Variants in BCL11A observed in about 807,000 individuals in gnomAD.
The protein encoded by BCL11A is B cell CLL/lymphoma 11A.
In BCL11A, 2 loss-of-function variants were observed where a neutral mutation model predicts 55.9. That is an observed-to-expected ratio of 0.04 (90% CI 0.01 to 0.11). BCL11A has a LOEUF of 0.11. BCL11A is among the 10% of genes least tolerant of loss of function. The pLI, the probability that BCL11A is intolerant of heterozygous loss-of-function variation, is 1.00. For synonymous variants in BCL11A, 465 were observed against 473.4 expected (o/e 0.98, Z 0.23); for missense variants, 817 against 1,137.1 (o/e 0.72, Z 4.05).
At chr2:60,520,013 T>C (rs1489584458) in intron 2 of BCL11A, among the ~76,000 whole-genome samples, 1 of 152,254 alleles carries the variant, frequency 6.6e-6, no homozygotes, top group Non-Finnish European at 1.5e-5. Flanking sequence ...TTGTATCCTC[T>C]TCAAATAATT....
chr2:60,488,321 C>A (rs978421249), intron 2 of BCL11A, among the ~76,000 whole-genome samples: 1 of 152,194 alleles, frequency 6.6e-6, no homozygotes, highest in Non-Finnish European at 1.5e-5. Context: ...GTGGGAATTG[C>A]CATTGTGTCC....
chr2:60,467,719 A>G (rs1024932230), intron 3 of BCL11A, among the ~76,000 whole-genome samples: 15 of 23,126 alleles, frequency 6.5e-4, no homozygotes, highest in Admixed American at 1.1e-3. Flanking sequence ...TGGTGATGGT[A>G]CTGGTGGTGA....
exon 5 of BCL11A, chr2:60,452,032 T>C (rs1281113303): frequency 8.8e-6 from 2 of 226,606 alleles, no homozygotes; most frequent in African/African-American, 2.2e-5. Flanking sequence ...CTCCTGCCCA[T>C]TTCTCAAATC....
chr2:60,488,456 C>T (rs1161914901), intron 2 of BCL11A, among the ~76,000 whole-genome samples: 2 of 152,212 alleles, frequency 1.3e-5, no homozygotes, highest in African/African-American at 2.4e-5. Flanking sequence ...AGAAAGGACA[C>T]ACGTAGGTAC....
intron 2 of BCL11A, chr2:60,527,500 C>CG (rs1553348442): frequency 6.6e-6 from 1 of 152,242 alleles, no homozygotes; most frequent in Non-Finnish European, 1.5e-5. Flanking sequence ...GGACAGAGTG[C>CG]GAAGTAAAAG....
At chr2:60,495,243 G>A (rs966834669) in intron 2 of BCL11A, among the ~76,000 whole-genome samples, 4 of 152,144 alleles carry the variant, frequency 2.6e-5, no homozygotes, top group Non-Finnish European at 5.9e-5. Context: ...CTAATCAGAG[G>A]CCAAACCCTT....
intron 3 of BCL11A, among the ~76,000 whole-genome samples, chr2:60,467,153 G>GTGGTAGTGGTGGTGTTGGTGGTGA: frequency 7.6e-6 from 1 of 131,574 alleles, no homozygotes; most frequent in Admixed American, 7.2e-5. Context: ...GGTGATGGTG[G>GTGGTAGTGGTGGTGTTGGTGGTGA]TGGTGGTGGT....
intron 2 of BCL11A, among the ~76,000 whole-genome samples, chr2:60,479,556 C>G (rs1677829796): frequency 6.6e-6 from 1 of 152,168 alleles, no homozygotes; most frequent in African/African-American, 2.4e-5. Context: ...GTAGAAAGCC[C>G]CCTCTGTCAC....
chr2:60,511,771 T>C (rs1238440165), intron 2 of BCL11A, among the ~76,000 whole-genome samples: 4 of 152,238 alleles, frequency 2.6e-5, no homozygotes, highest in Non-Finnish European at 5.9e-5. Flanking sequence ...CAGCTAGTCA[T>C]GTAAGACACT....
At chr2:60,501,625 G>T in intron 2 of BCL11A, among the ~76,000 whole-genome samples, 1 of 149,940 alleles carries the variant, frequency 6.7e-6, no homozygotes, top group Non-Finnish European at 1.5e-5. Flanking sequence ...TCCTCCCTCA[G>T]CCTCCTGAGT....
intron 2 of BCL11A, chr2:60,542,320 G>A (rs3771270): frequency 0.18 from 28,672 of 155,830 alleles, 2,880 homozygotes; most frequent in African/African-American, 0.24. Flanking sequence ...AATCTGACAT[G>A]ATGGGATAAT....
At chr2:60,528,543 C>G (rs982938272) in intron 2 of BCL11A, 18 of 152,294 alleles carry the variant, frequency 1.2e-4, no homozygotes, top group African/African-American at 4.1e-4. Flanking sequence ...AAAACTTGAC[C>G]ACAGAACCCA....
chr2:60,474,832 C>T (rs1238165166), intron 2 of BCL11A, among the ~76,000 whole-genome samples: 2 of 152,178 alleles, frequency 1.3e-5, no homozygotes, highest in Non-Finnish European at 2.9e-5. Flanking sequence ...AAAGAAAACA[C>T]GGACACAGAT....
At chr2:60,480,596 G>T (rs1413432086) in intron 2 of BCL11A, among the ~76,000 whole-genome samples, 1 of 152,152 alleles carries the variant, frequency 6.6e-6, no homozygotes, top group African/African-American at 2.4e-5. Context: ...CCTTGAAAGT[G>T]GCTGCTGGTC....
chr2:60,517,970 G>C (rs1179390135), intron 2 of BCL11A, among the ~76,000 whole-genome samples: 1 of 146,596 alleles, frequency 6.8e-6, no homozygotes, highest in Admixed American at 6.7e-5. Context: ...TTTAGGGGAG[G>C]AGAGAAAATT....
At position 60,461,363 on chromosome 2, in the gene BCL11A, G is replaced by C; in HGVS notation, c.1549C>G (p.Leu517Val). The change falls in exon 4 of 4, where the codon CTG (leucine) becomes GTG (valine). Residue 517 changes from leucine (L) to valine (V), a missense_variant. Around this residue, in one of 4 missense-constraint regions of BCL11A, gnomAD observed 379 missense variants for 425.3 expected, o/e 0.89. Coordinates refer to ENST00000642384, the MANE Select transcript of BCL11A (RefSeq NM_022893.4). ...ESERVDYGFGLSLEAARHHEN... is the reference protein window; with the variant it reads ...ESERVDYGFGVSLEAARHHEN... ...TGGTGGCGCGCCGCCTCCAGGCTCAGCCCGAAGCCGTAGTCCACCCTCTCG... is the reference window on the plus strand; with the variant it reads ...TGGTGGCGCGCCGCCTCCAGGCTCACCCCGAAGCCGTAGTCCACCCTCTCG... The C allele has an allele frequency of 1.9e-6, 3 of 1,605,588 alleles. No homozygotes were observed. The highest frequency in any genetic ancestry group is 2.5e-6 in the Non-Finnish European group (3 of 1,179,190).
At chr2:60,511,737 T>C (rs1416512215) in intron 2 of BCL11A, among the ~76,000 whole-genome samples, 1 of 152,134 alleles carries the variant, frequency 6.6e-6, no homozygotes, top group East Asian at 1.9e-4. Flanking sequence ...TTGAAATAAG[T>C]TGAAAATGCA....
chr2:60,497,168 C>T (rs541940522), intron 2 of BCL11A, among the ~76,000 whole-genome samples: 2 of 152,310 alleles, frequency 1.3e-5, no homozygotes, highest in East Asian at 1.9e-4. Context: ...TTCCTTGCAG[C>T]CTTCCTTTTC....
chr2:60,493,622 G>A (rs10172646), intron 2 of BCL11A, among the ~76,000 whole-genome samples: 96,045 of 151,984 alleles, frequency 0.63, 32,025 homozygotes, highest in African/African-American at 0.7. Flanking sequence ...GATAACTTAA[G>A]TGTGGTGTTC....
Sources: allele counts gnomAD v4.1 joint callset (sites outside exome capture counted in the v4.1 genomes callset), GRCh38; gene constraint gnomAD v4.1.1; regional missense constraint gnomAD v4.1.1; transcripts MANE v1.5; gene names NCBI Gene and HGNC (gene_info 2026-07-23, HGNC 2026-07-21).